Variants in KCNQ1OT1 observed in about 807,000 individuals in gnomAD.
The protein encoded by KCNQ1OT1 is KCNQ1 antisense RNA 2 (non-protein coding).
Position 2,674,142 on chromosome 11 carries a change from G to C in KCNQ1OT1, n.25853C>G. ...TGGTTTGCCGGGGCCACCCAGTGTG[G>C]GCTCAGGAAGGGAAGGAATGTGACC... is the stretch of plus-strand genomic sequence containing the variant. On this transcript the variant is annotated non_coding_transcript_exon_variant, in exon 1 of 1. Transcript: ENST00000597346. The surrounding 1 kb of genome is among the most constrained non-coding windows in gnomAD (Gnocchi z 5.9). 1 of 398,710 alleles carries C rather than the reference G, an allele frequency of 2.5e-6. No individual in the cohort carries two copies. The highest frequency in any genetic ancestry group is 4.4e-6 in the Non-Finnish European group (1 of 226,164). 24.7% of individuals were successfully genotyped at this position (398,710 alleles called of 1,614,324 possible).
At chr11:2,681,692 G>A (rs181903865) in exon 1 of KCNQ1OT1, 54 of 336,752 alleles carry the variant, frequency 1.6e-4, no homozygotes, top group African/African-American at 8.3e-4. Context: ...CCAGGCTGCC[G>A]TTGCTTCCCA....
rs1850183767 is a variant in KCNQ1OT1, at chr11:2,671,550, T to G, written n.28445A>C. The G allele has an allele frequency of 2.5e-6, 1 of 398,628 alleles. No individual in the cohort carries two copies. The highest frequency in any genetic ancestry group is 4.4e-6 in the Non-Finnish European group (1 of 226,070). The allele number at this position is 398,628 out of a possible 1,614,324, so 24.7% of individuals were successfully genotyped here. Reference sequence around the variant, plus strand: ...AGGTTAATTTTGACTCTGCCTGACTTATCTCCTAAGTCTTTGGCACTGAGC... The same window carrying G: ...AGGTTAATTTTGACTCTGCCTGACTGATCTCCTAAGTCTTTGGCACTGAGC... On this transcript the variant is annotated non_coding_transcript_exon_variant, in exon 1 of 1. Coordinates refer to ENST00000597346, the Ensembl canonical transcript of KCNQ1OT1. This position sits in a 1 kb window ranked among gnomAD's most constrained non-coding sequence, Gnocchi z 4.7.
rs1850315247 is a variant in KCNQ1OT1, at chr11:2,677,557, T to TAACATCTGAGG, written n.22437_22438insCCTCAGATGTT. On this transcript the variant is annotated non_coding_transcript_exon_variant, in exon 1 of 1. Transcript: ENST00000597346. The surrounding 1 kb of genome is among the most constrained non-coding windows in gnomAD (Gnocchi z 4.5). ...CAAGTATAAAAGATGCCCTCAGATG[T>TAACATCTGAGG]TACCATATAATGCTTTACAAAAGAC... 7.5e-6 allele frequency: 3 copies of TAACATCTGAGG among 398,618 alleles called. No individual in the cohort carries two copies. The South Asian group carries it at 3.8e-4, about 51-fold the overall frequency. The allele number at this position is 398,618 out of a possible 1,614,324, so 24.7% of individuals were successfully genotyped here.
exon 1 of KCNQ1OT1, chr11:2,675,422 C>A: frequency 2.5e-6 from 1 of 398,512 alleles, no homozygotes; most frequent in South Asian, 1.3e-4. Context: ...AATATATTGT[C>A]ATTTTGCGTT....
chr11:2,618,592 G>A lies in KCNQ1OT1; in HGVS notation n.81403C>T, dbSNP rs115387729. On this transcript the variant is annotated non_coding_transcript_exon_variant, in exon 1 of 1. Coordinates refer to ENST00000597346, the Ensembl canonical transcript of KCNQ1OT1. ...TTTTTATGCCAGGACCATACTGTTTGATCAATAGTTTTGTAAAATAAACCA... is the reference window on the plus strand; with the variant it reads ...TTTTTATGCCAGGACCATACTGTTTAATCAATAGTTTTGTAAAATAAACCA... 73 of 398,506 alleles carry A rather than the reference G, an allele frequency of 1.8e-4. No individual in the cohort carries two copies. The highest frequency in any genetic ancestry group is 1.3e-3 in the African/African-American group (64 of 48,742). The allele number at this position is 398,506 out of a possible 1,614,324, so 24.7% of individuals were successfully genotyped here.
chr11:2,649,168 C>T (rs1264986052), exon 1 of KCNQ1OT1: 4 of 397,670 alleles, frequency 1.0e-5, no homozygotes, highest in African/African-American at 4.1e-5. Context: ...ATTCATTTAG[C>T]CAGTATCTAT....
chr11:2,616,942 G>A (rs1849075087), exon 1 of KCNQ1OT1: 1 of 394,254 alleles, frequency 2.5e-6, no homozygotes, highest in Non-Finnish European at 4.4e-6. Flanking sequence ...GCTTCTGTCT[G>A]GCTGTACATT....
chr11:2,655,398 G>T (rs139562122), exon 1 of KCNQ1OT1: 57 of 398,658 alleles, frequency 1.4e-4, no homozygotes, highest in Admixed American at 5.7e-4. Flanking sequence ...TTGTCACCAG[G>T]ATGCTGTGCT....
At chr11:2,630,425 TA>T in exon 1 of KCNQ1OT1, 1 of 398,390 alleles carries the variant, frequency 2.5e-6, no homozygotes, top group Non-Finnish European at 4.4e-6. Context: ...GCTAGCCTTG[TA>T]AAATAAGTTG....
At position 2,612,385 on chromosome 11, in the gene KCNQ1OT1, G is replaced by T; in HGVS notation, n.87610C>A. The stretch of plus-strand genomic sequence containing the variant: ...ACTGGTCCCTCATGCCAAAAAGGTT[G>T]GGGACCACTATATTATGGTATCCAA... On this transcript the variant is annotated non_coding_transcript_exon_variant, in exon 1 of 1. Transcript: ENST00000597346. The surrounding 1 kb of genome is among the most constrained non-coding windows in gnomAD (Gnocchi z 5.5). 1 of 398,542 alleles carries T rather than the reference G, an allele frequency of 2.5e-6. No homozygotes were observed. Among genetic ancestry groups the T allele is most frequent in the Non-Finnish European group, 4.4e-6 (1 of 226,064 alleles). 24.7% of individuals were successfully genotyped at this position (398,542 alleles called of 1,614,324 possible). A position where few individuals can be genotyped will look rare whatever the true frequency, so the allele number is the denominator to read the frequency against.
At chr11:2,633,527 T>C (rs1849398778) in exon 1 of KCNQ1OT1, 1 of 398,504 alleles carries the variant, frequency 2.5e-6, no homozygotes, top group Non-Finnish European at 4.4e-6. Context: ...CTCTAATCAA[T>C]TTTGAGTTGA....
chr11:2,671,522 C>T lies in KCNQ1OT1; in HGVS notation n.28473G>A. 1 of 398,622 alleles carries T rather than the reference C, an allele frequency of 2.5e-6. No individual in the cohort carries two copies. The highest frequency in any genetic ancestry group is 4.4e-6 in the Non-Finnish European group (1 of 226,076). 24.7% of individuals were successfully genotyped at this position (398,622 alleles called of 1,614,324 possible). A position where few individuals can be genotyped will look rare whatever the true frequency, so the allele number is the denominator to read the frequency against. On this transcript the variant is annotated non_coding_transcript_exon_variant, in exon 1 of 1. Transcript: ENST00000597346. This position sits in a 1 kb window ranked among gnomAD's most constrained non-coding sequence, Gnocchi z 4.7. The stretch of plus-strand genomic sequence containing the variant: ...TTTAGGGCCAATTCAAGGGATTTTT[C>T]AAAGGTTAATTTTGACTCTGCCTGA...
In KCNQ1OT1 at chr11:2,677,917, T is replaced by C. The variant is rs773662149; in HGVS notation, n.22078A>G. ...CTTACCAAGTGTATACTCAGGTTTTTATCTTCATTCATTTCATAGATGAGA... is the reference window on the plus strand; with the variant it reads ...CTTACCAAGTGTATACTCAGGTTTTCATCTTCATTCATTTCATAGATGAGA... On this transcript the variant is annotated non_coding_transcript_exon_variant, in exon 1 of 1. Transcript: ENST00000597346. The surrounding 1 kb of genome is among the most constrained non-coding windows in gnomAD (Gnocchi z 4.5). 1 of 398,596 alleles carries C rather than the reference T, an allele frequency of 2.5e-6. No homozygotes were observed. Among genetic ancestry groups the C allele is most frequent in the Non-Finnish European group, 4.4e-6 (1 of 226,042 alleles). 24.7% of individuals were successfully genotyped at this position (398,596 alleles called of 1,614,324 possible). A position where few individuals can be genotyped will look rare whatever the true frequency, so the allele number is the denominator to read the frequency against.
exon 1 of KCNQ1OT1, chr11:2,685,122 G>T: frequency 2.5e-6 from 1 of 398,630 alleles, no homozygotes; most frequent in Admixed American, 4.4e-5. Flanking sequence ...GGGGTCTGAT[G>T]GTCAGAGCTA....
At position 2,654,049 on chromosome 11, in the gene KCNQ1OT1, G is replaced by T. The variant is rs1849798464; in HGVS notation, n.45946C>A. On this transcript the variant is annotated non_coding_transcript_exon_variant, in exon 1 of 1. Coordinates refer to ENST00000597346, the Ensembl canonical transcript of KCNQ1OT1. The surrounding 1 kb of genome is among the most constrained non-coding windows in gnomAD (Gnocchi z 6.4). ...ATTCCTCGCCTTGTTCCTGGCAGCT[G>T]TTGTGGGAATGGCTTTTACACTTTC... 1.3e-5 allele frequency: 5 copies of T among 398,620 alleles called. No homozygotes were observed. The highest frequency in any genetic ancestry group is 2.2e-5 in the Non-Finnish European group (5 of 226,128). 24.7% of individuals were successfully genotyped at this position (398,620 alleles called of 1,614,324 possible).
rs1850295018 is a variant in KCNQ1OT1, at chr11:2,676,391, G to T, written n.23604C>A. Reference sequence around the variant, plus strand: ...TAATTGGAAGGAGCATAGTCTCTGTGTTCAGCTAGAGATTTAGCCCAATGG... The same window carrying T: ...TAATTGGAAGGAGCATAGTCTCTGTTTTCAGCTAGAGATTTAGCCCAATGG... On this transcript the variant is annotated non_coding_transcript_exon_variant, in exon 1 of 1. Coordinates refer to ENST00000597346, the Ensembl canonical transcript of KCNQ1OT1. The surrounding 1 kb of genome is among the most constrained non-coding windows in gnomAD (Gnocchi z 4.2). 1 of 398,562 alleles carries T rather than the reference G, an allele frequency of 2.5e-6. No homozygotes were observed. Among genetic ancestry groups the T allele is most frequent in the African/African-American group, 2.1e-5 (1 of 48,652 alleles). The allele number at this position is 398,562 out of a possible 1,614,324, so 24.7% of individuals were successfully genotyped here.
At chr11:2,628,044 G>A (rs899754211) in exon 1 of KCNQ1OT1, 7 of 398,474 alleles carry the variant, frequency 1.8e-5, no homozygotes, top group African/African-American at 4.1e-5. Context: ...AAGCCACCAT[G>A]CCTATGAATA....
chr11:2,634,828 T>G (rs1459930725), exon 1 of KCNQ1OT1: 1 of 152,170 alleles, frequency 6.6e-6, no homozygotes, highest in Non-Finnish European at 1.5e-5. Context: ...TCTCCACATC[T>G]TCTCCAGCAC....
exon 1 of KCNQ1OT1, chr11:2,644,948 C>T (rs968170410): frequency 4.8e-5 from 19 of 398,474 alleles, no homozygotes; most frequent in Non-Finnish European, 8.0e-5. Context: ...CAGTGGCTGG[C>T]CCCGAATGCT....
Sources: allele counts gnomAD v4.1 joint callset, GRCh38; gene constraint gnomAD v4.1.1; non-coding constraint Gnocchi (gnomAD v3.1); transcripts MANE v1.5; gene names NCBI Gene and HGNC (gene_info 2026-07-23, HGNC 2026-07-21).